Variants in IGF2BP2 observed in about 807,000 individuals in gnomAD.
The protein encoded by IGF2BP2 is insulin-like growth factor 2 mRNA-binding protein 2.
Under a neutral mutation model 75.8 loss-of-function variants are expected in IGF2BP2, and 17 were observed. That is an observed-to-expected ratio of 0.22 (90% CI 0.15 to 0.34). The LOEUF is 0.34. IGF2BP2 is among the 10% of genes least tolerant of loss of function. The probability of loss-of-function intolerance (pLI) is 1.00; values close to 1 mark genes in which losing one functional copy is unlikely to be tolerated. For synonymous variants in IGF2BP2, 288 were observed against 295.6 expected (o/e 0.97, Z 0.26); for missense variants, 516 against 772.4 (o/e 0.67, Z 3.93).
intron 2 of IGF2BP2, among the ~76,000 whole-genome samples, chr3:185,797,606 A>C (rs994095817): frequency 2.6e-5 from 4 of 152,024 alleles, no homozygotes; most frequent in African/African-American, 9.7e-5. Context: ...CCCTTCACTT[A>C]AAAATGCTTT....
At position 185,648,222 on chromosome 3, in the gene IGF2BP2, C is replaced by T. The variant is rs569687940; in HGVS notation, c.1594-1084G>A. Among the ~76,000 whole-genome samples, 30 of 152,260 alleles carry T rather than the reference C, an allele frequency of 2.0e-4. 1 individual carries two copies. The highest frequency in any genetic ancestry group is 1.8e-3 in the Admixed American group (27 of 15,296). ...CTGTAATCCCAGCACTTTGGGAGGC[C>T]GAGGCGGGCGGATCACCTGAGGTCG... On this transcript the variant is annotated intron_variant, in intron 14 of 15. Coordinates refer to ENST00000382199, the MANE Select transcript of IGF2BP2 (RefSeq NM_006548.6).
At chr3:185,775,330 GCAAA>G (rs1483626133) in intron 2 of IGF2BP2, among the ~76,000 whole-genome samples, 1 of 152,138 alleles carries the variant, frequency 6.6e-6, no homozygotes, top group Non-Finnish European at 1.5e-5. Flanking sequence ...CCTTCATTCA[GCAAA>G]CATTTCAATG....
intron 10 of IGF2BP2, among the ~76,000 whole-genome samples, chr3:185,661,554 T>C (rs909595793): frequency 1.3e-5 from 2 of 150,650 alleles, no homozygotes; most frequent in African/African-American, 4.9e-5. Flanking sequence ...GGAGAATCGC[T>C]TGAACCCGGG....
intron 12 of IGF2BP2, among the ~76,000 whole-genome samples, chr3:185,652,383 G>A (rs78176563): frequency 0.016 from 2,402 of 152,260 alleles, 44 homozygotes; most frequent in East Asian, 0.062. Flanking sequence ...GGCCACCCAG[G>A]GACAGTCAGA....
chr3:185,796,564 CAAAAAAA>C (rs60331633), intron 2 of IGF2BP2, among the ~76,000 whole-genome samples: 2 of 71,802 alleles, frequency 2.8e-5, no homozygotes, highest in Non-Finnish European at 5.5e-5. Context: ...CATTCCGTCT[CAAAAAAA>C]AAAAAAAAAA....
intron 2 of IGF2BP2, among the ~76,000 whole-genome samples, chr3:185,789,698 A>ATG (rs1736377129): frequency 6.8e-6 from 1 of 146,996 alleles, no homozygotes. Flanking sequence ...CAGCTAGACT[A>ATG]TGTGAGTTTC....
chr3:185,714,196 C>A (rs771569731), intron 2 of IGF2BP2, among the ~76,000 whole-genome samples: 1 of 151,632 alleles, frequency 6.6e-6, no homozygotes, highest in Admixed American at 6.6e-5. Context: ...CATTAATGCT[C>A]TGTATATGCA....
chr3:185,665,169 T>TAAAAA (rs869141172), intron 10 of IGF2BP2, among the ~76,000 whole-genome samples: 5 of 96,758 alleles, frequency 5.2e-5, no homozygotes, highest in South Asian at 3.5e-4. Flanking sequence ...CCCTGTTTCT[T>TAAAAA]AAAAAAAAAA....
At chr3:185,667,416 T>C (rs990897424) in intron 10 of IGF2BP2, among the ~76,000 whole-genome samples, 1 of 152,048 alleles carries the variant, frequency 6.6e-6, no homozygotes, top group Non-Finnish European at 1.5e-5. Context: ...TTTGAGGCTG[T>C]AGTGTGCTAT....
At chr3:185,711,631 G>A (rs1053439723) in intron 2 of IGF2BP2, among the ~76,000 whole-genome samples, 3 of 152,168 alleles carry the variant, frequency 2.0e-5, no homozygotes, top group African/African-American at 4.8e-5. Flanking sequence ...AGTGAATAAC[G>A]GTGAACGACC....
chr3:185,780,360 G>A (rs1044117306), intron 2 of IGF2BP2, among the ~76,000 whole-genome samples: 1 of 152,054 alleles, frequency 6.6e-6, no homozygotes, highest in Non-Finnish European at 1.5e-5. Context: ...ATCACCTGTG[G>A]GACAAATATT....
At chr3:185,665,283 GAA>G (rs1717180856) in intron 10 of IGF2BP2, among the ~76,000 whole-genome samples, 1 of 138,110 alleles carries the variant, frequency 7.2e-6, no homozygotes, top group African/African-American at 2.7e-5. Flanking sequence ...AGAAGGAGAA[GAA>G]GAAGAAGGAG....
chr3:185,673,702 T>C (rs1718872116), intron 9 of IGF2BP2, among the ~76,000 whole-genome samples: 1 of 152,200 alleles, frequency 6.6e-6, no homozygotes, highest in African/African-American at 2.4e-5. Flanking sequence ...GTAACTTGCC[T>C]TTTTCTTTTT....
intron 14 of IGF2BP2, among the ~76,000 whole-genome samples, chr3:185,648,458 T>C (rs2149038477): frequency 7.1e-6 from 1 of 141,682 alleles, no homozygotes; most frequent in South Asian, 2.3e-4. Flanking sequence ...AGCGAAACTC[T>C]GTCTCAAAAA....
chr3:185,821,076 C>T, intron 2 of IGF2BP2: 1 of 1,534,948 alleles, frequency 6.5e-7, no homozygotes, highest in Non-Finnish European at 8.7e-7. Flanking sequence ...CTGCTTCATC[C>T]CTGAAGTCTG....
chr3:185,712,655 A>G (rs543263562), intron 2 of IGF2BP2: 1 of 152,324 alleles, frequency 6.6e-6, no homozygotes, highest in South Asian at 2.1e-4. Context: ...AACTGTTGCA[A>G]GGAGAAGGTA....
intron 2 of IGF2BP2, among the ~76,000 whole-genome samples, chr3:185,740,909 G>A (rs576827464): frequency 2.0e-5 from 3 of 152,246 alleles, no homozygotes; most frequent in Non-Finnish European, 2.9e-5. Context: ...ACGGAGTCTC[G>A]CTCTGTCGCC....
intron 2 of IGF2BP2, among the ~76,000 whole-genome samples, chr3:185,743,414 T>C (rs1729834029): frequency 6.6e-6 from 1 of 152,100 alleles, no homozygotes; most frequent in Admixed American, 6.5e-5. Flanking sequence ...CAGCTGGGAT[T>C]ACAGGTGCGT....
At chr3:185,786,715 T>C (rs1301337016) in intron 2 of IGF2BP2, among the ~76,000 whole-genome samples, 3 of 152,156 alleles carry the variant, frequency 2.0e-5, no homozygotes, top group Middle Eastern at 3.2e-3. Flanking sequence ...TTTGGTGGTC[T>C]CTTCACATGG....
Sources: allele counts gnomAD v4.1 joint callset (sites outside exome capture counted in the v4.1 genomes callset), GRCh38; gene constraint gnomAD v4.1.1; transcripts MANE v1.5; gene names NCBI Gene and HGNC (gene_info 2026-07-23, HGNC 2026-07-21).